KCNH8: variants seen among roughly 807,000 people sequenced by gnomAD.
The protein encoded by KCNH8 is voltage-gated delayed rectifier potassium channel KCNH8.
KCNH8 carries 70 observed loss-of-function variants against 103.6 expected under a neutral mutation model. The observed-to-expected ratio is 0.68, with a 90% confidence interval of 0.56 to 0.82. The LOEUF (loss-of-function observed/expected upper bound fraction) is 0.82. Ranked by LOEUF, KCNH8 falls within the 40% of genes least tolerant of loss-of-function variation. The pLI, the probability that KCNH8 is intolerant of heterozygous loss-of-function variation, is 0.00. For missense variants in KCNH8, 1,217 were observed against 1,329.9 expected, an observed-to-expected ratio of 0.92 and a Z score of 1.32; for synonymous variants, 498 against 489.4, an observed-to-expected ratio of 1.02 and a Z score of -0.23.
intron 1 of KCNH8, among the ~76,000 whole-genome samples, chr3:19,167,918 A>G (rs1366041020): frequency 6.6e-6 from 1 of 151,574 alleles, no homozygotes; most frequent in Non-Finnish European, 1.5e-5. Flanking sequence ...CCATTTTATT[A>G]TATGTGTAGT....
intron 11 of KCNH8, among the ~76,000 whole-genome samples, chr3:19,489,096 T>C (rs556565675): frequency 6.6e-6 from 1 of 152,314 alleles, no homozygotes; most frequent in African/African-American, 2.4e-5. Context: ...TCTTAGGCCG[T>C]AAGCAAGCTG....
chr3:19,360,027 T>A (rs1163786386), intron 5 of KCNH8, among the ~76,000 whole-genome samples: 1 of 151,788 alleles, frequency 6.6e-6, no homozygotes, highest in African/African-American at 2.4e-5. Context: ...CATATAAGAG[T>A]TAAGTGATTA....
At chr3:19,322,161 A>G (rs923953610) in intron 3 of KCNH8, among the ~76,000 whole-genome samples, 8 of 152,122 alleles carry the variant, frequency 5.3e-5, no homozygotes, top group Non-Finnish European at 1.5e-5. Context: ...GTATCTTTTA[A>G]TTGGAGCATT....
chr3:19,226,701 C>T (rs2063936294), intron 1 of KCNH8, among the ~76,000 whole-genome samples: 1 of 151,942 alleles, frequency 6.6e-6, no homozygotes, highest in Non-Finnish European at 1.5e-5. Context: ...TTAGGCTATT[C>T]AGGCTGTGCT....
intron 8 of KCNH8, 58 bp from the exon 9 acceptor site, chr3:19,450,048 A>C: frequency 7.2e-7 from 1 of 1,393,044 alleles, no homozygotes; most frequent in Non-Finnish European, 1.0e-6. Context: ...ATTTAGATTT[A>C]CGTGGTGGGC....
chr3:19,237,464 T>C (rs1162075409), intron 1 of KCNH8, among the ~76,000 whole-genome samples: 1 of 152,208 alleles, frequency 6.6e-6, no homozygotes, highest in African/African-American at 2.4e-5. Context: ...GCTGTGCTGG[T>C]TTATAAAACC....
intron 15 of KCNH8, among the ~76,000 whole-genome samples, chr3:19,532,830 C>G (rs2069187108): frequency 1.3e-5 from 2 of 152,178 alleles, no homozygotes; most frequent in African/African-American, 2.4e-5. Flanking sequence ...GTCTTTAGAT[C>G]AGGATGTATG....
At chr3:19,341,834 C>T (rs2065662948) in intron 3 of KCNH8, among the ~76,000 whole-genome samples, 1 of 152,044 alleles carries the variant, frequency 6.6e-6, no homozygotes. Context: ...CACATCTATT[C>T]ACTTGCTGGT....
chr3:19,212,406 G>A (rs937251424), intron 1 of KCNH8, among the ~76,000 whole-genome samples: 5 of 152,142 alleles, frequency 3.3e-5, no homozygotes, highest in Admixed American at 6.5e-5. Flanking sequence ...ATCTGTGTGA[G>A]CCCCACTTTC....
At chr3:19,219,305 C>T (rs567541423) in intron 1 of KCNH8, among the ~76,000 whole-genome samples, 1 of 152,174 alleles carries the variant, frequency 6.6e-6, no homozygotes, top group South Asian at 2.1e-4. Context: ...TCATACCCCT[C>T]AAACTCTTTT....
intron 7 of KCNH8, among the ~76,000 whole-genome samples, chr3:19,425,278 A>G (rs763451647): frequency 2.6e-5 from 4 of 151,798 alleles, no homozygotes; most frequent in Non-Finnish European, 5.9e-5. Context: ...TGTTCATCCA[A>G]CTCTACTCAT....
chr3:19,227,496 T>A (rs1267822552), intron 1 of KCNH8, among the ~76,000 whole-genome samples: 1 of 152,184 alleles, frequency 6.6e-6, no homozygotes, highest in East Asian at 1.9e-4. Flanking sequence ...TATTTGAATA[T>A]CATTGCTTTA....
At chr3:19,412,005 T>G (rs576966455) in intron 7 of KCNH8, among the ~76,000 whole-genome samples, 1 of 151,906 alleles carries the variant, frequency 6.6e-6, no homozygotes, top group Admixed American at 6.6e-5. Context: ...ACATCTTCTT[T>G]AAGAATTATT....
At chr3:19,289,105 C>A (rs561157200) in intron 3 of KCNH8, among the ~76,000 whole-genome samples, 1 of 151,950 alleles carries the variant, frequency 6.6e-6, no homozygotes. Context: ...TGTTTGAGTT[C>A]ATTGTAGATT....
At chr3:19,237,807 G>C (rs957747655) in intron 1 of KCNH8, among the ~76,000 whole-genome samples, 1 of 152,160 alleles carries the variant, frequency 6.6e-6, no homozygotes, top group African/African-American at 2.4e-5. Context: ...GTGCACAAAC[G>C]TGTGTATGTC....
chr3:19,211,397 G>A (rs954051983), intron 1 of KCNH8, among the ~76,000 whole-genome samples: 1 of 152,146 alleles, frequency 6.6e-6, no homozygotes, highest in Non-Finnish European at 1.5e-5. Context: ...GCTGGAGGAA[G>A]CATTGAAAGA....
chr3:19,267,764 T>A (rs1264625331), intron 2 of KCNH8, among the ~76,000 whole-genome samples: 1 of 152,164 alleles, frequency 6.6e-6, no homozygotes, highest in Non-Finnish European at 1.5e-5. Context: ...GCTTGTTGTA[T>A]TGACTCTCAG....
chr3:19,330,515 T>C (rs1345362736), intron 3 of KCNH8, among the ~76,000 whole-genome samples: 1 of 152,204 alleles, frequency 6.6e-6, no homozygotes, highest in Non-Finnish European at 1.5e-5. Context: ...GTCATATTTA[T>C]TTTTGACATT....
At chr3:19,486,330 G>T (rs1372118037) in intron 11 of KCNH8, among the ~76,000 whole-genome samples, 1 of 152,214 alleles carries the variant, frequency 6.6e-6, no homozygotes, top group African/African-American at 2.4e-5. Flanking sequence ...AGCAAGCTTT[G>T]GTACTTGGTT....
Sources: gnomAD v4.1 joint callset for allele counts (sites outside exome capture counted in the v4.1 genomes callset) on GRCh38, gnomAD v4.1.1 for gene constraint, MANE v1.5 for transcripts, NCBI Gene and HGNC (gene_info 2026-07-23, HGNC 2026-07-21) for gene names.